The following RPA3 variants were observed in gnomAD, a reference collection of about 807,000 sequenced individuals.
RPA3 encodes replication protein A3.
In RPA3, 24 loss-of-function variants were observed where a neutral mutation model predicts 13.7. The observed-to-expected ratio is 1.75, with a 90% CI of 1.27 to 2.46. The LOEUF is 2.46. RPA3 is among the 30% of genes most tolerant of loss of function. The probability of loss-of-function intolerance (pLI) is 0.00; values close to 1 mark genes in which losing one functional copy is unlikely to be tolerated. For missense variants in RPA3, 183 were observed against 151.0 expected, an observed-to-expected ratio of 1.21 and a Z score of -1.11; for synonymous variants, 59 against 51.2, an observed-to-expected ratio of 1.15 and a Z score of -0.65.
At chr7:7,707,347 T>C (rs1461620232) in intron 2 of RPA3, among the ~76,000 whole-genome samples, 1 of 152,160 alleles carries the variant, frequency 6.6e-6, no homozygotes, top group African/African-American at 2.4e-5. Flanking sequence ...AATTTGTAAC[T>C]ACGGTACTTT....
rs536272408 is a variant in RPA3 at position 7,713,301 on chromosome 7, G to A, written c.-1028+1874C>T. 2.5e-3 allele frequency among the ~76,000 whole-genome samples: 377 copies of A among 152,018 alleles called. 1 individual carries two copies. The highest frequency in any genetic ancestry group is 8.5e-3 in the African/African-American group (351 of 41,476). ...GGAGGTTGTGGTGAGCTGAGATTGC[G>A]CCACTGCACTCCAGCCTGGGTGACA... On this transcript the variant is annotated intron_variant, in intron 2 of 7. Transcript: ENST00000223129.
chr7:7,715,453 A>C (rs1262418559), intron 1 of RPA3, among the ~76,000 whole-genome samples: 2 of 152,150 alleles, frequency 1.3e-5, no homozygotes, highest in African/African-American at 4.8e-5. Context: ...AGGGAAGTGC[A>C]CTCTTATTTC....
intron 3 of RPA3, among the ~76,000 whole-genome samples, chr7:7,686,416 T>C (rs1031176200): frequency 1.3e-5 from 2 of 152,206 alleles, no homozygotes; most frequent in Non-Finnish European, 2.9e-5. Flanking sequence ...GTTTTGTTTT[T>C]TTGTATTTTT....
chr7:7,643,819 C>T (rs1785034054), intron 4 of RPA3, among the ~76,000 whole-genome samples: 1 of 151,648 alleles, frequency 6.6e-6, no homozygotes, highest in Non-Finnish European at 1.5e-5. Context: ...CTAACAAGCA[C>T]ACCTTCCTTT....
At position 7,640,304 on chromosome 7, in the gene RPA3, T is replaced by C. The variant is rs370288929; in HGVS notation, c.99+16A>G. 658 of 1,613,702 alleles carry C rather than the reference T, an allele frequency of 4.1e-4. No individual in the cohort carries two copies. Among genetic ancestry groups the C allele is most frequent in the Non-Finnish European group, 5.3e-4 (629 of 1,179,788 alleles). On this transcript the variant is annotated intron_variant, in intron 5 of 7. Transcript: ENST00000223129. ...CAGCTACGGACTTGGGAGCCCATGA[T>C]TGCGAACCCGCACACCTTTTCCAGC...
At chr7:7,638,980 A>T (rs543084037) in intron 6 of RPA3, 90 bp downstream of exon 6, 1 of 979,436 alleles carries the variant, frequency 1.0e-6, no homozygotes, top group African/African-American at 1.7e-5. Context: ...TTTTAAATCC[A>T]TTGCAAAAAT....
Position 7,637,046 on chromosome 7 carries a change from T to C in RPA3, c.320A>G (p.His107Arg), listed in dbSNP as rs753398283. Reference sequence around the variant, plus strand: ...TAAAGGATAAAACTGAGGGAAGTCATGGATAATTTTCACAGCTTCATTGTA... The same window carrying C: ...TAAAGGATAAAACTGAGGGAAGTCACGGATAATTTTCACAGCTTCATTGTA... The part of the protein sequence containing the change: ...GLYNEAVKII[H>R]DFPQFYPLGI... Residue 107 changes from histidine (H) to arginine (R), a missense_variant, in exon 8 of 8, where the codon CAT becomes CGT. Transcript: ENST00000223129. 6.2e-7 allele frequency: 1 copy of C among 1,612,972 alleles called. No homozygotes were observed. Among genetic ancestry groups the C allele is most frequent in the Non-Finnish European group, 8.5e-7 (1 of 1,179,188 alleles).
rs193033245 is a variant in RPA3, at chr7:7,678,286, G to T, written c.-758+7544C>A. 4.2e-3 allele frequency among the ~76,000 whole-genome samples: 635 copies of T among 151,212 alleles called. 15 individuals are homozygous for T. The highest frequency in any genetic ancestry group is 1.0e-3 in the Non-Finnish European group (68 of 67,806). ...TTTTGGATTAAAGCCATTTTAACTG[G>T]GTTGAGATGATATCTCATTTTGATT... On this transcript the variant is annotated intron_variant, in intron 4 of 7. Transcript: ENST00000223129.
intron 4 of RPA3, among the ~76,000 whole-genome samples, chr7:7,652,148 G>C (rs971255277): frequency 5.9e-5 from 9 of 152,150 alleles, no homozygotes; most frequent in African/African-American, 2.2e-4. Context: ...TCAGGCAGTG[G>C]GGATGGACAA....
At chr7:7,676,484 T>TA (rs1779742642) in intron 4 of RPA3, among the ~76,000 whole-genome samples, 2 of 152,254 alleles carry the variant, frequency 1.3e-5, no homozygotes, top group Non-Finnish European at 2.9e-5. Context: ...CATCTTTTTG[T>TA]AAAAAAAGTT....
At chr7:7,662,118 A>T (rs1785489288) in intron 4 of RPA3, among the ~76,000 whole-genome samples, 1 of 152,114 alleles carries the variant, frequency 6.6e-6, no homozygotes, top group Non-Finnish European at 1.5e-5. Flanking sequence ...GTGAGGGGAA[A>T]ACGGCCCACT....
At chr7:7,683,165 T>G (rs1563118821) in intron 4 of RPA3, among the ~76,000 whole-genome samples, 1 of 152,212 alleles carries the variant, frequency 6.6e-6, no homozygotes, top group Non-Finnish European at 1.5e-5. Context: ...GTCATTCATT[T>G]TTTTCGGGGA....
intron 4 of RPA3, among the ~76,000 whole-genome samples, chr7:7,668,075 G>T (rs9640047): frequency 6.6e-6 from 1 of 151,674 alleles, no homozygotes; most frequent in Non-Finnish European, 1.5e-5. Flanking sequence ...CACCACCACA[G>T]CTGGCTAATT....
At chr7:7,674,368 T>G (rs186781769) in intron 4 of RPA3, among the ~76,000 whole-genome samples, 148 of 152,350 alleles carry the variant, frequency 9.7e-4, no homozygotes, top group African/African-American at 3.6e-3. Flanking sequence ...AAGGGATGTT[T>G]CCCTTAGATT....
intron 4 of RPA3, among the ~76,000 whole-genome samples, chr7:7,674,604 C>G (rs945961503): frequency 5.3e-5 from 8 of 152,134 alleles, no homozygotes; most frequent in African/African-American, 1.4e-4. Flanking sequence ...AGTCTTTGAC[C>G]AGGGCTGATG....
chr7:7,700,609 C>T (rs889885439), intron 2 of RPA3, among the ~76,000 whole-genome samples: 5 of 152,046 alleles, frequency 3.3e-5, no homozygotes, highest in African/African-American at 4.8e-5. Context: ...ACCAAAGGGC[C>T]GGGCGCGGTG....
At chr7:7,714,398 A>G (rs922196391) in intron 2 of RPA3, among the ~76,000 whole-genome samples, 4 of 152,378 alleles carry the variant, frequency 2.6e-5, no homozygotes, top group African/African-American at 9.6e-5. Flanking sequence ...TTATAATTGC[A>G]TGATTTAATT....
At chr7:7,675,187 T>G (rs1779709237) in intron 4 of RPA3, among the ~76,000 whole-genome samples, 1 of 152,206 alleles carries the variant, frequency 6.6e-6, no homozygotes, top group Non-Finnish European at 1.5e-5. Flanking sequence ...TCTTTATGAT[T>G]AGAAATTGAC....
chr7:7,692,035 C>G (rs1052012895), intron 2 of RPA3, among the ~76,000 whole-genome samples: 1 of 152,170 alleles, frequency 6.6e-6, no homozygotes. Flanking sequence ...AGCTTCTACA[C>G]ATAGTACAGT....
Sources: allele counts gnomAD v4.1 joint callset (sites outside exome capture counted in the v4.1 genomes callset), GRCh38; gene constraint gnomAD v4.1.1; transcripts MANE v1.5; gene names NCBI Gene and HGNC (gene_info 2026-07-23, HGNC 2026-07-21).